MAGI2: variants seen among roughly 807,000 people sequenced by gnomAD.
The protein encoded by MAGI2 is membrane associated guanylate kinase, WW and PDZ domain containing 2, also known as membrane-associated guanylate kinase, WW and PDZ domain-containing protein 2.
MAGI2 carries 35 observed loss-of-function variants against 133.3 expected under a neutral mutation model. That is an observed-to-expected ratio of 0.26 (90% CI 0.20 to 0.35). The LOEUF (loss-of-function observed/expected upper bound fraction) is 0.35. Ranked by LOEUF, MAGI2 falls within the 10% of genes least tolerant of loss-of-function variation. The probability of loss-of-function intolerance (pLI) is 1.00; values close to 1 mark genes in which losing one functional copy is unlikely to be tolerated. For missense variants in MAGI2, 1,636 were observed against 1,863.4 expected (o/e 0.88, Z 2.25); for synonymous variants, 729 against 710.6 (o/e 1.03, Z -0.41).
chr7:79,071,554 C>T (rs886902349), intron 1 of MAGI2, among the ~76,000 whole-genome samples: 1 of 152,100 alleles, frequency 6.6e-6, no homozygotes, highest in Non-Finnish European at 1.5e-5. Context: ...CCCACAGCCG[C>T]CCCTTCCCCC....
intron 2 of MAGI2, among the ~76,000 whole-genome samples, chr7:78,770,333 A>T (rs186379465): frequency 2.6e-5 from 4 of 152,184 alleles, no homozygotes; most frequent in East Asian, 3.9e-4. Flanking sequence ...GGTAAAACAC[A>T]CTCTGCTGGA....
chr7:78,183,082 A>T (rs1468024315), intron 13 of MAGI2, among the ~76,000 whole-genome samples: 2 of 152,192 alleles, frequency 1.3e-5, no homozygotes, highest in African/African-American at 2.4e-5. Flanking sequence ...TGTATTATTT[A>T]GAACTTCCTA....
At chr7:78,451,583 G>A (rs1312800856) in intron 6 of MAGI2, among the ~76,000 whole-genome samples, 1 of 152,014 alleles carries the variant, frequency 6.6e-6, no homozygotes, top group Non-Finnish European at 1.5e-5. Context: ...AATAGCTGAG[G>A]AATCTTGGGC....
At chr7:79,370,672 C>G (rs759483710) in intron 1 of MAGI2, among the ~76,000 whole-genome samples, 1 of 151,338 alleles carries the variant, frequency 6.6e-6, no homozygotes, top group Non-Finnish European at 1.5e-5. Context: ...CTAATACAAC[C>G]GCTTCCCTTA....
In MAGI2 at chr7:79,405,345, C is replaced by A. The variant is rs116110253; in HGVS notation, c.301+47675G>T. On this transcript the variant is annotated intron_variant, in intron 1 of 21. Coordinates refer to ENST00000354212, the MANE Select transcript of MAGI2 (RefSeq NM_012301.4). ...ATCATTCATAAAGTAAATCAGGGAA[C>A]CTTGTTCTTCCTTCTCTGCATGTCA... Among the ~76,000 whole-genome samples the A allele has an allele frequency of 4.9e-3, 739 of 152,206 alleles. 7 individuals carry two copies. Among genetic ancestry groups the A allele is most frequent in the African/African-American group, 0.017 (712 of 41,542 alleles).
intron 1 of MAGI2, among the ~76,000 whole-genome samples, chr7:79,123,394 T>C (rs998438651): frequency 6.6e-6 from 1 of 152,202 alleles, no homozygotes; most frequent in African/African-American, 2.4e-5. Context: ...ACCAGCTGCA[T>C]GAACTTGGTC....
chr7:78,093,892 C>T (rs578176019), intron 20 of MAGI2, among the ~76,000 whole-genome samples: 99 of 152,252 alleles, frequency 6.5e-4, no homozygotes, highest in African/African-American at 2.1e-3. Context: ...TGGTTTTATG[C>T]CAGGTACTTT....
chr7:79,335,481 CA>C (rs1419161089), intron 1 of MAGI2, among the ~76,000 whole-genome samples: 7 of 151,806 alleles, frequency 4.6e-5, no homozygotes, highest in Non-Finnish European at 7.4e-5. Flanking sequence ...AAAGGAAAGG[CA>C]AGATATATGC....
chr7:78,800,086 T>A (rs1787937880), intron 2 of MAGI2, among the ~76,000 whole-genome samples: 1 of 152,124 alleles, frequency 6.6e-6, no homozygotes, highest in South Asian at 2.1e-4. Flanking sequence ...AGTAAATAAT[T>A]TGGAAGTTTT....
At chr7:79,021,948 T>G (rs1032117412) in intron 1 of MAGI2, among the ~76,000 whole-genome samples, 18 of 152,090 alleles carry the variant, frequency 1.2e-4, no homozygotes, top group African/African-American at 4.1e-4. Context: ...CTATGCTGTT[T>G]TTGTGACAGT....
chr7:78,741,108 A>G (rs560355831), intron 2 of MAGI2, among the ~76,000 whole-genome samples: 2 of 152,176 alleles, frequency 1.3e-5, no homozygotes, highest in Non-Finnish European at 2.9e-5. Context: ...GGGAGATTCT[A>G]TACACATAAA....
intron 20 of MAGI2, among the ~76,000 whole-genome samples, chr7:78,114,574 A>G (rs981002702): frequency 6.6e-6 from 1 of 152,244 alleles, no homozygotes; most frequent in African/African-American, 2.4e-5. Context: ...AGGCCTGCAC[A>G]TTTATGGCCC....
At chr7:78,659,685 A>C (rs1303552640) in intron 2 of MAGI2, among the ~76,000 whole-genome samples, 1 of 152,082 alleles carries the variant, frequency 6.6e-6, no homozygotes, top group Admixed American at 6.6e-5. Flanking sequence ...ACAACATGGG[A>C]TCTTCATGAT....
At chr7:79,346,145 G>T (rs1413469956) in intron 1 of MAGI2, among the ~76,000 whole-genome samples, 12 of 152,012 alleles carry the variant, frequency 7.9e-5, no homozygotes, top group African/African-American at 2.9e-4. Context: ...TTGTAAGGTT[G>T]TCATTCGGGC....
At chr7:79,318,357 T>C (rs1232963222) in intron 1 of MAGI2, among the ~76,000 whole-genome samples, 1 of 152,024 alleles carries the variant, frequency 6.6e-6, no homozygotes, top group African/African-American at 2.4e-5. Context: ...AATTTATTTG[T>C]CTCATTAAGT....
At chr7:78,392,975 T>C (rs1796032081) in intron 6 of MAGI2, among the ~76,000 whole-genome samples, 1 of 152,098 alleles carries the variant, frequency 6.6e-6, no homozygotes. Flanking sequence ...TTCTTAATAT[T>C]TACATCATTA....
chr7:79,451,951 C>A (rs1433158550), intron 1 of MAGI2, among the ~76,000 whole-genome samples: 1 of 152,180 alleles, frequency 6.6e-6, no homozygotes, highest in Non-Finnish European at 1.5e-5. Flanking sequence ...TTATCTCACT[C>A]TTCTCTCCTT....
chr7:78,404,763 G>T (rs1341102292), intron 6 of MAGI2, among the ~76,000 whole-genome samples: 1 of 152,118 alleles, frequency 6.6e-6, no homozygotes, highest in Non-Finnish European at 1.5e-5. Flanking sequence ...GCACGGGCAA[G>T]GACTTCATGT....
intron 1 of MAGI2, among the ~76,000 whole-genome samples, chr7:79,332,380 G>C (rs564245076): frequency 2.0e-5 from 3 of 152,284 alleles, no homozygotes; most frequent in East Asian, 3.9e-4. Context: ...ATCCCTGGTA[G>C]CTCTTTAGAA....
Sources: allele counts gnomAD v4.1 joint callset (sites outside exome capture counted in the v4.1 genomes callset), GRCh38; gene constraint gnomAD v4.1.1; transcripts MANE v1.5; gene names NCBI Gene and HGNC (gene_info 2026-07-23, HGNC 2026-07-21).